CFAP20DC: variants seen among roughly 807,000 people sequenced by gnomAD.
CFAP20DC encodes the protein protein CFAP20DC.
In CFAP20DC, 84 loss-of-function variants were observed where a neutral mutation model predicts 101.7. The ratio of observed to expected loss-of-function variants is 0.83; its 90% CI spans 0.69 to 0.99. The LOEUF (loss-of-function observed/expected upper bound fraction) is 0.99. CFAP20DC is among the 50% of genes least tolerant of loss of function. The pLI is 0.00. For missense variants in CFAP20DC, 1,007 were observed against 970.3 expected (o/e 1.04, Z -0.50); for synonymous variants, 359 against 351.2 (o/e 1.02, Z -0.25).
chr3:59,041,100 T>C (rs1699342078), intron 3 of CFAP20DC, among the ~76,000 whole-genome samples: 1 of 152,110 alleles, frequency 6.6e-6, no homozygotes, highest in African/African-American at 2.4e-5. Context: ...GCATCTTGCA[T>C]TGATTGGCCC....
downstream of CFAP20DC, among the ~76,000 whole-genome samples, chr3:58,739,013 G>A (rs9859754): frequency 0.12 from 18,364 of 152,088 alleles, 1,990 homozygotes; most frequent in East Asian, 0.35. Flanking sequence ...CACAGTTTGC[G>A]CCTAAAGAAG....
At position 59,007,036 on chromosome 3, in the gene CFAP20DC, G is replaced by A. The variant is rs187044145; in HGVS notation, c.278+32521C>T. Among the ~76,000 whole-genome samples, 1 of 152,280 alleles carries A rather than the reference G, an allele frequency of 6.6e-6. No individual in the cohort carries two copies. Among genetic ancestry groups the A allele is most frequent in the East Asian group, 1.9e-4 (1 of 5,182 alleles). ...GAGAGCGAGACTGGCCTTGCCAACT[G>A]TGTGGAGCTGGGTGAGGCCTTTTGC... On this transcript the variant is annotated intron_variant, in intron 4 of 16. Coordinates refer to ENST00000482387, the MANE Select transcript of CFAP20DC (RefSeq NM_001394063.1). The surrounding 1 kb of genome is among the most constrained non-coding windows in gnomAD (Gnocchi z 4.4).
chr3:58,719,364 A>G (rs1168983176), intron 3 of CFAP20DC, among the ~76,000 whole-genome samples: 2 of 152,202 alleles, frequency 1.3e-5, no homozygotes, highest in Non-Finnish European at 2.9e-5. Context: ...TACACTGTCA[A>G]CTTCGTGTGG....
chr3:58,992,676 T>C (rs2092980443), intron 4 of CFAP20DC: 1 of 390,372 alleles, frequency 2.6e-6, no homozygotes, highest in Non-Finnish European at 3.5e-6. Context: ...TTTACATTTA[T>C]AAATTTAGTA....
At chr3:59,021,916 A>G (rs769876309) in intron 4 of CFAP20DC, among the ~76,000 whole-genome samples, 2 of 152,100 alleles carry the variant, frequency 1.3e-5, no homozygotes, top group Admixed American at 6.6e-5. Flanking sequence ...CTTCGAGTAC[A>G]TATCTTTTTA....
chr3:58,992,351 C>T (rs1205642225), intron 4 of CFAP20DC, among the ~76,000 whole-genome samples: 1 of 152,202 alleles, frequency 6.6e-6, no homozygotes, highest in Non-Finnish European at 1.5e-5. Flanking sequence ...TATGTGATCA[C>T]TGGGCTCATC....
chr3:58,944,163 TAGG>T (rs2089022629), intron 4 of CFAP20DC, among the ~76,000 whole-genome samples: 1 of 149,928 alleles, frequency 6.7e-6, no homozygotes, highest in South Asian at 2.1e-4. Context: ...GGATATTATC[TAGG>T]AGAACTTACC....
chr3:58,816,944 A>C (rs962814246), intron 14 of CFAP20DC, among the ~76,000 whole-genome samples: 2 of 152,220 alleles, frequency 1.3e-5, no homozygotes, highest in Non-Finnish European at 2.9e-5. Context: ...TGGAGATCTG[A>C]GAACCAGCAG....
In CFAP20DC at chr3:59,001,474, A is replaced by G. The variant is rs2093309156; in HGVS notation, c.278+38083T>C. Reference sequence around the variant, plus strand: ...GGCTGGAGTGCAATGGCTCAATCTCAGCCTCGATCTCACCCCAACCTCCGC... The same window carrying G: ...GGCTGGAGTGCAATGGCTCAATCTCGGCCTCGATCTCACCCCAACCTCCGC... On this transcript the variant is annotated intron_variant, in intron 4 of 16. Transcript: ENST00000482387. This position sits in a 1 kb window ranked among gnomAD's most constrained non-coding sequence, Gnocchi z 4.5. Among the ~76,000 whole-genome samples the G allele has an allele frequency of 6.6e-6, 1 of 152,044 alleles. No homozygotes were observed. Among genetic ancestry groups the G allele is most frequent in the Non-Finnish European group, 1.5e-5 (1 of 68,000 alleles).
In CFAP20DC at chr3:58,863,621, G is replaced by T; in HGVS notation, c.1530C>A (p.Asn510Lys). 1 of 1,614,142 alleles carries T rather than the reference G, an allele frequency of 6.2e-7. No homozygotes were observed. The highest frequency in any genetic ancestry group is 8.5e-7 in the Non-Finnish European group (1 of 1,180,020). The change falls in exon 12 of 17, where the codon AAC (asparagine) becomes AAA (lysine). Residue 510 changes from asparagine (N) to lysine (K), a missense_variant. Asn to Lys is a moderately conservative substitution (Grantham distance 94). Transcript: ENST00000482387. The surrounding 1 kb of genome is among the most constrained non-coding windows in gnomAD (Gnocchi z 5.9). ...ATTGGGTGTCTCTGCTTGTCACACT[G>T]TTATCCTCTTTTAGATCCAAAATAA... is the stretch of plus-strand genomic sequence containing the variant. ...LSFILDLKED[N>K]SVTSRDTQSE...
chr3:59,046,388 A>G (rs1699863180), intron 2 of CFAP20DC, 66 bp from the exon 3 acceptor site: 2 of 1,016,170 alleles, frequency 2.0e-6, no homozygotes, highest in Non-Finnish European at 2.8e-6. Flanking sequence ...TATAAAATTG[A>G]AACTTCAGAT....
intron 4 of CFAP20DC, among the ~76,000 whole-genome samples, chr3:58,980,715 A>G (rs1226786133): frequency 2.6e-5 from 4 of 152,236 alleles, no homozygotes; most frequent in Non-Finnish European, 5.9e-5. Context: ...TCAAAATAAT[A>G]AGAGCCATCT....
At chr3:58,856,840 C>G (rs1050822900) in intron 12 of CFAP20DC, among the ~76,000 whole-genome samples, 2 of 152,100 alleles carry the variant, frequency 1.3e-5, no homozygotes, top group African/African-American at 2.4e-5. Context: ...ACAGGGCTAT[C>G]TTTTCTCTAA....
chr3:58,836,905 C>T (rs1041253665), intron 13 of CFAP20DC, among the ~76,000 whole-genome samples: 4 of 151,978 alleles, frequency 2.6e-5, no homozygotes, highest in African/African-American at 7.2e-5. Context: ...AGAGAAAGGT[C>T]GTTTTGTGGA....
chr3:59,034,632 C>T lies in CFAP20DC; in HGVS notation c.278+4925G>A, dbSNP rs138254564. Among the ~76,000 whole-genome samples, 306 of 152,230 alleles carry T rather than the reference C, an allele frequency of 2.0e-3. 1 individual carries two copies. Among genetic ancestry groups the T allele is most frequent in the African/African-American group, 7.0e-3 (290 of 41,552 alleles). On this transcript the variant is annotated intron_variant, in intron 4 of 16. Transcript: ENST00000482387. Reference sequence around the variant, plus strand: ...CATAATGGTAAAGGGATAAACGCAACAAGAAGAGCTAACTACCCCAAATAT... The same window carrying T: ...CATAATGGTAAAGGGATAAACGCAATAAGAAGAGCTAACTACCCCAAATAT...
At chr3:58,794,227 A>T (rs1030621399) in intron 15 of CFAP20DC, 13 of 392,920 alleles carry the variant, frequency 3.3e-5, no homozygotes, top group African/African-American at 2.7e-4. Context: ...TTCAGAATAT[A>T]GTTTTTTTTT....
chr3:58,807,373 C>T (rs930622521), intron 14 of CFAP20DC, among the ~76,000 whole-genome samples: 1 of 152,186 alleles, frequency 6.6e-6, no homozygotes, highest in Non-Finnish European at 1.5e-5. Context: ...ATAAAACTTC[C>T]AGAGGAACGA....
At chr3:58,979,966 G>A (rs1005270321) in intron 4 of CFAP20DC, among the ~76,000 whole-genome samples, 1 of 152,062 alleles carries the variant, frequency 6.6e-6, no homozygotes, top group East Asian at 1.9e-4. Flanking sequence ...GGAGTGCTCT[G>A]TTAAGAAGGA....
At chr3:58,905,189 G>A (rs2083476013) in intron 6 of CFAP20DC, among the ~76,000 whole-genome samples, 1 of 152,112 alleles carries the variant, frequency 6.6e-6, no homozygotes, top group Non-Finnish European at 1.5e-5. Context: ...CATCACTGGT[G>A]TATCATATCT....
Sources: gnomAD v4.1 joint callset for allele counts (sites outside exome capture counted in the v4.1 genomes callset) on GRCh38, gnomAD v4.1.1 for gene constraint, Gnocchi (gnomAD v3.1) non-coding constraint, MANE v1.5 for transcripts, NCBI Gene and HGNC (gene_info 2026-07-23, HGNC 2026-07-21) for gene names.